The following GPATCH2 variants were observed in gnomAD, a reference collection of about 807,000 sequenced individuals.
The protein encoded by GPATCH2 is G patch domain-containing protein 2.
Under a neutral mutation model 58.0 loss-of-function variants are expected in GPATCH2, and 51 were observed. The observed-to-expected ratio is 0.88, with a 90% confidence interval of 0.70 to 1.11. GPATCH2 has a LOEUF of 1.11. Ranked by LOEUF, GPATCH2 falls within the 50% of genes most tolerant of loss-of-function variation. The pLI is 0.00. For missense variants in GPATCH2, 625 were observed against 652.2 expected (o/e 0.96, Z 0.45); for synonymous variants, 222 against 218.5 (o/e 1.02, Z -0.14).
At chr1:217,513,242 G>A (rs1034068847) in intron 6 of GPATCH2, among the ~76,000 whole-genome samples, 1 of 151,952 alleles carries the variant, frequency 6.6e-6, no homozygotes, top group Non-Finnish European at 1.5e-5. Context: ...AGTGAGCCGA[G>A]ATCATGACAT....
chr1:217,581,249 T>C (rs1486327010), intron 5 of GPATCH2, among the ~76,000 whole-genome samples: 1 of 152,170 alleles, frequency 6.6e-6, no homozygotes, highest in Non-Finnish European at 1.5e-5. Flanking sequence ...ATAAGGTTAG[T>C]AAGCATCTTA....
chr1:217,544,313 AC>A (rs1664915422), intron 5 of GPATCH2, among the ~76,000 whole-genome samples: 1 of 152,168 alleles, frequency 6.6e-6, no homozygotes, highest in South Asian at 2.1e-4. Flanking sequence ...AGTCACCTGA[AC>A]CCAGGAAGGC....
intron 5 of GPATCH2, among the ~76,000 whole-genome samples, chr1:217,563,381 T>G (rs1666024500): frequency 6.6e-6 from 1 of 152,202 alleles, no homozygotes; most frequent in Admixed American, 6.5e-5. Flanking sequence ...CCTCATGGAC[T>G]GAGCCAAAAT....
chr1:217,580,346 G>T (rs1667011775), intron 5 of GPATCH2, among the ~76,000 whole-genome samples: 1 of 152,060 alleles, frequency 6.6e-6, no homozygotes, highest in Non-Finnish European at 1.5e-5. Flanking sequence ...GATGTACAGA[G>T]GATGAAACAT....
intron 8 of GPATCH2, among the ~76,000 whole-genome samples, chr1:217,462,369 C>G (rs1319963507): frequency 6.6e-6 from 1 of 152,076 alleles, no homozygotes; most frequent in African/African-American, 2.4e-5. Context: ...AAAATGTTGT[C>G]ACTTTTCTTT....
At chr1:217,548,056 C>T (rs2102660203) in intron 5 of GPATCH2, among the ~76,000 whole-genome samples, 1 of 152,214 alleles carries the variant, frequency 6.6e-6, no homozygotes, top group South Asian at 2.1e-4. Context: ...CCTGTTAAGC[C>T]TGTGGAGCTG....
intron 5 of GPATCH2, among the ~76,000 whole-genome samples, chr1:217,576,889 A>G (rs1024898821): frequency 3.9e-5 from 6 of 152,216 alleles, no homozygotes; most frequent in Admixed American, 3.3e-4. Context: ...GATTAAGCAG[A>G]TGACTGAATA....
chr1:217,504,288 C>A (rs185594108), intron 6 of GPATCH2, among the ~76,000 whole-genome samples: 3 of 152,200 alleles, frequency 2.0e-5, no homozygotes, highest in African/African-American at 7.2e-5. Context: ...TGAGAGGAGG[C>A]GAATGGCGTC....
rs562833618 is a variant in GPATCH2, at chr1:217,514,124, G to GCCC, written c.1166+695_1166+697dup. On this transcript the variant is annotated intron_variant, in intron 6 of 9. Transcript: ENST00000366935. Reference sequence around the variant, plus strand: ...TTACAACTGTGAGCCACCATGCCTGGCCCCCCCGCAAAAAAAGCAAAACAG... The same window carrying GCCC: ...TTACAACTGTGAGCCACCATGCCTGGCCCCCCCCCCGCAAAAAAAGCAAAACAG... Among the ~76,000 whole-genome samples, 740 of 149,518 alleles carry GCCC rather than the reference G, an allele frequency of 4.9e-3. 3 individuals are homozygous for GCCC. The highest frequency in any genetic ancestry group is 0.017 in the African/African-American group (691 of 40,668).
At chr1:217,451,175 T>C (rs879017966) in intron 8 of GPATCH2, among the ~76,000 whole-genome samples, 1 of 152,336 alleles carries the variant, frequency 6.6e-6, no homozygotes, top group African/African-American at 2.4e-5. Context: ...CTGTATTATT[T>C]AGTCCTTACA....
At chr1:217,459,955 TTCA>T (rs1258660030) in intron 8 of GPATCH2, among the ~76,000 whole-genome samples, 1 of 152,158 alleles carries the variant, frequency 6.6e-6, no homozygotes, top group Non-Finnish European at 1.5e-5. Flanking sequence ...GTTTTTTTCT[TTCA>T]TCAGCACAGG....
At chr1:217,546,024 T>G (rs1423331715) in intron 5 of GPATCH2, among the ~76,000 whole-genome samples, 1 of 152,206 alleles carries the variant, frequency 6.6e-6, no homozygotes, top group Admixed American at 6.5e-5. Context: ...AAGATTCTCT[T>G]ACTAGTTTTT....
At chr1:217,443,542 G>A (rs1362873912) in intron 9 of GPATCH2, among the ~76,000 whole-genome samples, 1 of 151,946 alleles carries the variant, frequency 6.6e-6, no homozygotes, top group Non-Finnish European at 1.5e-5. Flanking sequence ...ACTCGTACTT[G>A]TTCAATATGA....
intron 5 of GPATCH2, among the ~76,000 whole-genome samples, chr1:217,561,623 T>C (rs1422000006): frequency 6.6e-6 from 1 of 152,174 alleles, no homozygotes; most frequent in Non-Finnish European, 1.5e-5. Context: ...CACATCGGTA[T>C]TTCCTCTTCT....
intron 5 of GPATCH2, among the ~76,000 whole-genome samples, chr1:217,591,118 A>C (rs879283608): frequency 6.6e-6 from 1 of 152,220 alleles, no homozygotes; most frequent in Non-Finnish European, 1.5e-5. Context: ...ATAGTGGTAC[A>C]AAAGAAAGTA....
chr1:217,457,267 C>T lies in GPATCH2; in HGVS notation c.1278-7930G>A, dbSNP rs552274216. On this transcript the variant is annotated intron_variant, in intron 8 of 9. Transcript: ENST00000366935. ...TTGTAACACCATGTCTGCTTTCTCA[C>T]TAGAGCTTTGAAAAAGTCCGCTTAT... Among the ~76,000 whole-genome samples, 11 of 152,288 alleles carry T rather than the reference C, an allele frequency of 7.2e-5. No individual in the cohort carries two copies. The South Asian group carries it at 2.1e-3, about 29-fold the overall frequency.
chr1:217,507,346 C>T (rs1662613059), intron 6 of GPATCH2, among the ~76,000 whole-genome samples: 1 of 152,138 alleles, frequency 6.6e-6, no homozygotes, highest in African/African-American at 2.4e-5. Flanking sequence ...AAAAAGTCAA[C>T]TCTAAAATTA....
At chr1:217,466,300 G>A (rs1315030792) in intron 8 of GPATCH2, among the ~76,000 whole-genome samples, 1 of 151,404 alleles carries the variant, frequency 6.6e-6, no homozygotes, top group Non-Finnish European at 1.5e-5. Flanking sequence ...AAAAAAAAAG[G>A]AGGCAGTATA....
rs950570835 is a variant in GPATCH2, at chr1:217,609,838, T to C, written c.1098+483A>G. 15 of 1,005,964 alleles carry C rather than the reference T, an allele frequency of 1.5e-5. 1 individual carries two copies. In the Middle Eastern group the frequency reaches 1.5e-3, roughly 98 times the overall value. The allele number at this position is 1,005,964 out of a possible 1,614,324, so 62.3% of individuals were successfully genotyped here. A position where few individuals can be genotyped will look rare whatever the true frequency, so the allele number is the denominator to read the frequency against. The stretch of plus-strand genomic sequence containing the variant: ...TCTGGAAGTTTAAAATTTTCTAGCT[T>C]TGTTAGCATTTTGGCAAAGCAAGTA... On this transcript the variant is annotated intron_variant, in intron 5 of 9. Transcript: ENST00000366935.
Sources: allele counts gnomAD v4.1 joint callset (sites outside exome capture counted in the v4.1 genomes callset), GRCh38; gene constraint gnomAD v4.1.1; transcripts MANE v1.5; gene names NCBI Gene and HGNC (gene_info 2026-07-23, HGNC 2026-07-21).